The following CTDSPL2 variants were observed in gnomAD, a reference collection of about 807,000 sequenced individuals.
CTDSPL2 encodes the protein CTD small phosphatase-like protein 2.
CTDSPL2 carries 5 observed loss-of-function variants against 60.0 expected under a neutral mutation model. The observed-to-expected ratio is 0.08, with a 90% CI of 0.04 to 0.18. The LOEUF (loss-of-function observed/expected upper bound fraction) is 0.18, where lower values mean the gene tolerates loss of function less well. CTDSPL2 is among the 10% of genes least tolerant of loss of function. CTDSPL2 has a pLI of 1.00. For missense variants in CTDSPL2, 370 were observed against 548.8 expected (o/e 0.67, Z 3.26); for synonymous variants, 186 against 189.3 (o/e 0.98, Z 0.14).
intron 8 of CTDSPL2, among the ~76,000 whole-genome samples, chr15:44,512,244 G>A (rs1000460265): frequency 3.9e-5 from 6 of 151,930 alleles, no homozygotes; most frequent in Non-Finnish European, 7.4e-5. Context: ...CTGACATGAC[G>A]TTCAAAGGAA....
intron 7 of CTDSPL2, among the ~76,000 whole-genome samples, chr15:44,497,411 G>T (rs1017820504): frequency 6.6e-6 from 1 of 152,050 alleles, no homozygotes; most frequent in Non-Finnish European, 1.5e-5. Flanking sequence ...TGTCGCCCAG[G>T]CTGGAGTGCA....
chr15:44,451,522 A>T (rs2080334164), intron 1 of CTDSPL2, among the ~76,000 whole-genome samples: 1 of 152,212 alleles, frequency 6.6e-6, no homozygotes, highest in African/African-American at 2.4e-5. Flanking sequence ...TGTTTTATGT[A>T]AATAATTACA....
chr15:44,499,837 T>A (rs1433069251), intron 8 of CTDSPL2, 24 bp downstream of exon 8: 1 of 1,423,936 alleles, frequency 7.0e-7, no homozygotes, highest in African/African-American at 1.4e-5. Context: ...TTTTGATGAT[T>A]TTTGGCCTGA....
chr15:44,511,488 A>G (rs1376086044), intron 8 of CTDSPL2, among the ~76,000 whole-genome samples: 1 of 152,208 alleles, frequency 6.6e-6, no homozygotes. Context: ...TTCAGAGGCA[A>G]TAAATCTCAA....
At chr15:44,430,844 G>A (rs2079841877) in intron 1 of CTDSPL2, among the ~76,000 whole-genome samples, 2 of 151,184 alleles carry the variant, frequency 1.3e-5, no homozygotes, top group South Asian at 2.1e-4. Flanking sequence ...TTTTTGAGAC[G>A]GAGTTTCGCT....
intron 2 of CTDSPL2, among the ~76,000 whole-genome samples, chr15:44,470,750 C>T (rs2080790903): frequency 6.6e-6 from 1 of 152,158 alleles, no homozygotes; most frequent in Admixed American, 6.5e-5. Context: ...GCCTGGCCTA[C>T]ATTGGCATAT....
chr15:44,446,306 T>C (rs1595703515), intron 1 of CTDSPL2, among the ~76,000 whole-genome samples: 1 of 152,178 alleles, frequency 6.6e-6, no homozygotes, highest in Admixed American at 6.5e-5. Context: ...CCCATTCCAA[T>C]GGACCATTCA....
chr15:44,465,568 G>T (rs2080668799), intron 2 of CTDSPL2, among the ~76,000 whole-genome samples: 1 of 152,042 alleles, frequency 6.6e-6, no homozygotes, highest in South Asian at 2.1e-4. Context: ...AAAGGTGATT[G>T]TATTAATTTA....
chr15:44,434,190 C>A (rs114668460), intron 1 of CTDSPL2, among the ~76,000 whole-genome samples: 13,982 of 151,630 alleles, frequency 0.092, 1,324 homozygotes, highest in East Asian at 0.24. Flanking sequence ...TCATGAGGTC[C>A]AGAGATCGAG....
rs2081867373 is a variant in CTDSPL2, at chr15:44,526,070, A to G, written c.*1896A>G. On this transcript the variant is annotated 3_prime_UTR_variant, in exon 13 of 13. Transcript: ENST00000260327. ...TGCTTGCAGGAAAAAAATACTACAG[A>G]TTCATTTTAATGAGAATCTTTGAAA... 6.6e-6 allele frequency: 1 copy of G among 152,194 alleles called. No homozygotes were observed. The highest frequency in any genetic ancestry group is 2.4e-5 in the African/African-American group (1 of 41,420). 9.4% of individuals were successfully genotyped at this position (152,194 alleles called of 1,614,324 possible).
intron 12 of CTDSPL2, among the ~76,000 whole-genome samples, chr15:44,521,741 A>G (rs2081772881): frequency 6.6e-6 from 1 of 151,620 alleles, no homozygotes; most frequent in Non-Finnish European, 1.5e-5. Flanking sequence ...GATCGAGACC[A>G]TCCTGGCTAA....
chr15:44,485,155 A>G (rs1004666758), intron 3 of CTDSPL2, among the ~76,000 whole-genome samples: 2 of 152,232 alleles, frequency 1.3e-5, no homozygotes, highest in Non-Finnish European at 2.9e-5. Context: ...AGTGTCTACT[A>G]GGTGGATGTC....
intron 1 of CTDSPL2, among the ~76,000 whole-genome samples, chr15:44,443,567 A>G (rs2080137504): frequency 6.6e-6 from 1 of 151,952 alleles, no homozygotes; most frequent in Non-Finnish European, 1.5e-5. Flanking sequence ...GGCAATTTTT[A>G]TTTTTTATTT....
In CTDSPL2 at chr15:44,526,622, A is replaced by G. The variant is rs2081878810; in HGVS notation, c.*2448A>G. 6.6e-6 allele frequency: 1 copy of G among 152,164 alleles called. No individual in the cohort carries two copies. Among genetic ancestry groups the G allele is most frequent in the Admixed American group, 6.5e-5 (1 of 15,282 alleles). 9.4% of individuals were successfully genotyped at this position (152,164 alleles called of 1,614,324 possible). A position where few individuals can be genotyped will look rare whatever the true frequency, so the allele number is the denominator to read the frequency against. ...GAGTCATTTTAAATTTGTTAATACAAAATTTAAGATAATTTACAGAGACAA... is the reference window on the plus strand; with the variant it reads ...GAGTCATTTTAAATTTGTTAATACAGAATTTAAGATAATTTACAGAGACAA... On this transcript the variant is annotated 3_prime_UTR_variant, in exon 13 of 13. Transcript: ENST00000260327.
chr15:44,480,206 G>A (rs978432049), intron 2 of CTDSPL2, among the ~76,000 whole-genome samples: 2 of 152,014 alleles, frequency 1.3e-5, no homozygotes, highest in African/African-American at 4.8e-5. Flanking sequence ...TATTGGATTG[G>A]ACAGCAACTC....
chr15:44,455,999 C>T (rs931283996), intron 1 of CTDSPL2, among the ~76,000 whole-genome samples: 8 of 151,034 alleles, frequency 5.3e-5, no homozygotes, highest in Non-Finnish European at 1.0e-4. Flanking sequence ...TACAGGCGCC[C>T]GCCACCTCGC....
At chr15:44,462,485 C>T (rs1283774051) in intron 2 of CTDSPL2, among the ~76,000 whole-genome samples, 1 of 152,016 alleles carries the variant, frequency 6.6e-6, no homozygotes. Flanking sequence ...ATAAGGAGCA[C>T]ACAGTGTAGA....
rs9672561 is a variant in CTDSPL2, at chr15:44,456,890, T to G, written c.-24-2101T>G. Among the ~76,000 whole-genome samples, 3 of 149,880 alleles carry G rather than the reference T, an allele frequency of 2.0e-5. No homozygotes were observed. In the South Asian group the frequency reaches 6.3e-4, roughly 31 times the overall value. On this transcript the variant is annotated intron_variant, in intron 1 of 12. Coordinates refer to ENST00000260327, the MANE Select transcript of CTDSPL2 (RefSeq NM_016396.3). ...TCTTTTTTTTTTTGTTTTTTTTTCT[T>G]TTTTTTGAAACAGGCTCTCACTGTC... is the stretch of plus-strand genomic sequence containing the variant.
At position 44,511,143 on chromosome 15, in the gene CTDSPL2, A is replaced by C. The variant is rs923016438; in HGVS notation, c.970-3455A>C. ...GAAACACCTTCTTGTTCACATGGTGAATCTGTTCTGAGGATAGGAACTATT... is the reference window on the plus strand; with the variant it reads ...GAAACACCTTCTTGTTCACATGGTGCATCTGTTCTGAGGATAGGAACTATT... On this transcript the variant is annotated intron_variant, in intron 8 of 12. Coordinates refer to ENST00000260327, the MANE Select transcript of CTDSPL2 (RefSeq NM_016396.3). 2.6e-5 allele frequency among the ~76,000 whole-genome samples: 4 copies of C among 152,252 alleles called. No homozygotes were observed. In the East Asian group the frequency reaches 7.7e-4, roughly 29 times the overall value.
Sources: gnomAD v4.1 joint callset for allele counts (sites outside exome capture counted in the v4.1 genomes callset) on GRCh38, gnomAD v4.1.1 for gene constraint, MANE v1.5 for transcripts, NCBI Gene and HGNC (gene_info 2026-07-23, HGNC 2026-07-21) for gene names.